Variants in KDM4C observed in about 807,000 individuals in gnomAD.
KDM4C encodes the protein lysine demethylase 4C.
KDM4C carries 81 observed loss-of-function variants against 129.3 expected under a neutral mutation model. That is an observed-to-expected ratio of 0.63 (90% CI 0.52 to 0.75). The LOEUF (loss-of-function observed/expected upper bound fraction) is 0.75, where lower values mean the gene tolerates loss of function less well. Among genes scored for constraint, KDM4C ranks in the 30% least tolerant of loss-of-function variants. KDM4C has a pLI of 0.00. For missense variants in KDM4C, 1,457 were observed against 1,304.0 expected, an observed-to-expected ratio of 1.12 and a Z score of -1.81; for synonymous variants, 573 against 456.1, an observed-to-expected ratio of 1.26 and a Z score of -3.26.
At chr9:6,952,561 C>A (rs986280902) in intron 8 of KDM4C, among the ~76,000 whole-genome samples, 6 of 152,074 alleles carry the variant, frequency 3.9e-5, no homozygotes, top group Non-Finnish European at 5.9e-5. Context: ...CTGCCTCAGG[C>A]TCCCAAGTAG....
intron 4 of KDM4C, chr9:6,835,684 G>C: frequency 5.7e-6 from 4 of 696,358 alleles, no homozygotes; most frequent in Non-Finnish European, 1.0e-5. Flanking sequence ...TTTTGTTTTT[G>C]TTTTTGTTTT....
At chr9:7,037,942 GC>G (rs1298825386) in intron 15 of KDM4C, among the ~76,000 whole-genome samples, 1 of 152,026 alleles carries the variant, frequency 6.6e-6, no homozygotes, top group Non-Finnish European at 1.5e-5. Flanking sequence ...TCCTGGAAAA[GC>G]CATGCTCATT....
chr9:6,968,493 C>T (rs1294921091), intron 8 of KDM4C, among the ~76,000 whole-genome samples: 3 of 152,138 alleles, frequency 2.0e-5, no homozygotes, highest in Non-Finnish European at 2.9e-5. Context: ...AGGACGTCTG[C>T]TCTCTCTGAT....
chr9:6,908,614 G>C (rs187846371), intron 8 of KDM4C, among the ~76,000 whole-genome samples: 243 of 152,130 alleles, frequency 1.6e-3, no homozygotes, highest in African/African-American at 4.9e-3. Context: ...ATCTTCTTGG[G>C]GGGAGGATGT....
At chr9:6,736,060 C>G (rs1817518726) in intron 1 of KDM4C, among the ~76,000 whole-genome samples, 1 of 152,070 alleles carries the variant, frequency 6.6e-6, no homozygotes, top group Non-Finnish European at 1.5e-5. Context: ...AGCATTTTAC[C>G]CCTGCCCTAG....
At chr9:7,167,781 A>G (rs1401472942) in intron 20 of KDM4C, among the ~76,000 whole-genome samples, 2 of 152,238 alleles carry the variant, frequency 1.3e-5, no homozygotes, top group Non-Finnish European at 2.9e-5. Flanking sequence ...GCAAAGCTAG[A>G]CCAATGCATT....
intron 4 of KDM4C, among the ~76,000 whole-genome samples, chr9:6,839,401 T>TG (rs1836484955): frequency 6.8e-6 from 1 of 148,096 alleles, no homozygotes; most frequent in South Asian, 2.2e-4. Context: ...GGCCAGTTTT[T>TG]TTTTTTTTTT....
intron 4 of KDM4C, among the ~76,000 whole-genome samples, chr9:6,847,781 G>T (rs1245364190): frequency 3.3e-5 from 5 of 152,202 alleles, no homozygotes; most frequent in Admixed American, 1.3e-4. Context: ...CTACTTAAGA[G>T]AATTTGGGAA....
chr9:6,962,284 C>T (rs1221370239), intron 8 of KDM4C, among the ~76,000 whole-genome samples: 1 of 152,088 alleles, frequency 6.6e-6, no homozygotes, highest in Non-Finnish European at 1.5e-5. Flanking sequence ...ATCTAGCTAG[C>T]AGTAATTCAA....
chr9:6,859,473 C>CAAAAAAA (rs58056883), intron 5 of KDM4C, among the ~76,000 whole-genome samples: 5 of 47,840 alleles, frequency 1.0e-4, no homozygotes, highest in Admixed American at 3.1e-4. Context: ...GACTCTGTCT[C>CAAAAAAA]AAAAAAAAAA....
chr9:6,728,048 A>C (rs1817196246), intron 1 of KDM4C, among the ~76,000 whole-genome samples: 1 of 133,742 alleles, frequency 7.5e-6, no homozygotes, highest in African/African-American at 3.0e-5. Context: ...AGTTTGGCCA[A>C]AACCAACCAT....
At chr9:7,064,850 T>C (rs1204489531) in intron 17 of KDM4C, among the ~76,000 whole-genome samples, 1 of 152,208 alleles carries the variant, frequency 6.6e-6, no homozygotes, top group Non-Finnish European at 1.5e-5. Flanking sequence ...ACTGTCTTCT[T>C]CTAGGTGTCC....
chr9:7,028,600 G>C (rs890550369), intron 15 of KDM4C, among the ~76,000 whole-genome samples: 10 of 152,040 alleles, frequency 6.6e-5, no homozygotes, highest in African/African-American at 2.2e-4. Context: ...TGGTGTCTCA[G>C]TAAGTTGAAT....
At chr9:6,873,795 C>T (rs1012997704) in intron 5 of KDM4C, among the ~76,000 whole-genome samples, 1 of 152,150 alleles carries the variant, frequency 6.6e-6, no homozygotes, top group African/African-American at 2.4e-5. Flanking sequence ...TCCTAAGTTT[C>T]AGCTTATCTT....
intron 15 of KDM4C, among the ~76,000 whole-genome samples, chr9:7,031,962 G>A (rs144515356): frequency 6.6e-6 from 1 of 152,142 alleles, no homozygotes; most frequent in Admixed American, 6.5e-5. Context: ...ATATTTATCA[G>A]ACCTCTGGAA....
At chr9:6,864,867 T>C (rs914803348) in intron 5 of KDM4C, among the ~76,000 whole-genome samples, 12 of 151,946 alleles carry the variant, frequency 7.9e-5, no homozygotes, top group Non-Finnish European at 1.5e-4. Flanking sequence ...TCTTCAAGCT[T>C]ACTGTTTCTT....
intron 8 of KDM4C, among the ~76,000 whole-genome samples, chr9:6,937,374 T>C (rs966082529): frequency 7.2e-5 from 11 of 152,116 alleles, no homozygotes; most frequent in African/African-American, 2.7e-4. Flanking sequence ...TTCTGCTTGT[T>C]ATATATAGTA....
chr9:7,086,758 C>T (rs1835163544), intron 17 of KDM4C, among the ~76,000 whole-genome samples: 1 of 152,164 alleles, frequency 6.6e-6, no homozygotes, highest in South Asian at 2.1e-4. Flanking sequence ...ATACACACAC[C>T]CATGTACCCT....
chr9:6,950,631 C>G (rs1345803464), intron 8 of KDM4C, among the ~76,000 whole-genome samples: 1 of 152,192 alleles, frequency 6.6e-6, no homozygotes. Flanking sequence ...TTTATTAATA[C>G]TGATTAAACT....
Sources: gnomAD v4.1 joint callset for allele counts (sites outside exome capture counted in the v4.1 genomes callset) on GRCh38, gnomAD v4.1.1 for gene constraint, MANE v1.5 for transcripts, NCBI Gene and HGNC (gene_info 2026-07-23, HGNC 2026-07-21) for gene names.